SLC27A1: variants seen among roughly 807,000 people sequenced by gnomAD.
SLC27A1 encodes long-chain fatty acid transport protein 1.
SLC27A1 carries 61 observed loss-of-function variants against 62.2 expected under a neutral mutation model. That is an observed-to-expected ratio of 0.98 (90% CI 0.80 to 1.21). SLC27A1 has a LOEUF of 1.21. Ranked by LOEUF, SLC27A1 falls within the 50% of genes most tolerant of loss-of-function variation. The pLI is 0.00. For missense variants in SLC27A1, 903 were observed against 932.1 expected, an observed-to-expected ratio of 0.97 and a Z score of 0.41; for synonymous variants, 435 against 408.6, an observed-to-expected ratio of 1.06 and a Z score of -0.78.
chr19:17,488,897 GC>G lies in SLC27A1; in HGVS notation c.845del (p.Ala282ValfsTer28). On this transcript the variant is annotated frameshift_variant, in exon 5 of 12. Transcript: ENST00000252595. LOFTEE classifies it high-confidence loss of function. ...CCACCACGCCTACCGCATGCAGGCGGCTGACGTGCTCTATGACTGCCTGCCC... is the reference window on the plus strand; with the variant it reads ...CCACCACGCCTACCGCATGCAGGCGGTGACGTGCTCTATGACTGCCTGCCC... ...FGHHAYRMQA[A>X]DVLYDCLPLY... 6.2e-7 allele frequency: 1 copy of G among 1,614,118 alleles called. No homozygotes were observed. The highest frequency in any genetic ancestry group is 2.2e-5 in the East Asian group (1 of 44,886).
At chr19:17,491,787 T>C (rs1422449576) in intron 6 of SLC27A1, among the ~76,000 whole-genome samples, 2 of 151,952 alleles carry the variant, frequency 1.3e-5, no homozygotes, top group African/African-American at 4.8e-5. Context: ...GGTGGGAGGA[T>C]TGCTTGAGCC....
chr19:17,501,736 G>A (rs145542505), intron 11 of SLC27A1, among the ~76,000 whole-genome samples: 3,967 of 147,216 alleles, frequency 0.027, 174 homozygotes, highest in African/African-American at 0.09. Context: ...CTGGGAGGCG[G>A]AGTTTGCAGT....
At position 17,497,539 on chromosome 19, in the gene SLC27A1, G is replaced by A. The variant is rs766676571; in HGVS notation, c.1206+75G>A. ...ACTGTCTCCTCTTCCTGGGGCCCCT[G>A]GGATACATAAAACAGCCTGGACTGG... On this transcript the variant is annotated intron_variant, in intron 7 of 11. Transcript: ENST00000252595. 4.4e-6 allele frequency: 6 copies of A among 1,350,494 alleles called. No homozygotes were observed. The South Asian group carries it at 5.0e-5, about 11-fold the overall frequency. 83.7% of individuals were successfully genotyped at this position (1,350,494 alleles called of 1,614,324 possible).
chr19:17,486,670 G>C lies in SLC27A1; in HGVS notation c.275G>C (p.Arg92Pro), dbSNP rs1339071400. The change falls in exon 2 of 12, where the codon CGC becomes CCC. Residue 92 changes from arginine (R) to proline (P), a missense_variant. Transcript: ENST00000252595. The surrounding 1 kb of genome is among the most constrained non-coding windows in gnomAD (Gnocchi z 6.6). ...GCGGTAGTGCAGCGACAGCCCGAGCGCCTGGCGCTGGTGGATGCCGGGACC... is the reference window on the plus strand; with the variant it reads ...GCGGTAGTGCAGCGACAGCCCGAGCCCCTGGCGCTGGTGGATGCCGGGACC... ...FQAVVQRQPE[R>P]LALVDAGTGE... The C allele has an allele frequency of 6.2e-7, 1 of 1,609,782 alleles. No individual in the cohort carries two copies. Among genetic ancestry groups the C allele is most frequent in the Non-Finnish European group, 8.5e-7 (1 of 1,179,556 alleles).
intron 2 of SLC27A1, 89 bp downstream of exon 2, chr19:17,487,046 G>A: frequency 6.5e-7 from 1 of 1,548,034 alleles, no homozygotes; most frequent in East Asian, 2.3e-5. Context: ...GCCTCGGAAG[G>A]CGGCCGCCCT....
rs2075380975 is a variant in SLC27A1, at chr19:17,499,098, T to G, written c.1207-1180T>G. ...CTCCACAAGAGGTGGAGGAGTAGAG[T>G]CTTCTCTAAACTCCCCGGGGGAAAG... On this transcript the variant is annotated intron_variant, in intron 7 of 11. Transcript: ENST00000252595. The G allele has an allele frequency of 2.2e-5, 4 of 180,190 alleles. No individual in the cohort carries two copies. The South Asian group carries it at 4.2e-4, about 19-fold the overall frequency. The allele number at this position is 180,190 out of a possible 1,614,324, so 11.2% of individuals were successfully genotyped here.
Position 17,486,325 on chromosome 19 carries a change from G to A in SLC27A1, c.168-238G>A, listed in dbSNP as rs113261509. Among the ~76,000 whole-genome samples the A allele has an allele frequency of 2.6e-5, 4 of 152,324 alleles. No homozygotes were observed. Among genetic ancestry groups the A allele is most frequent in the African/African-American group, 9.6e-5 (4 of 41,578 alleles). On this transcript the variant is annotated intron_variant, in intron 1 of 11. Transcript: ENST00000252595. This position sits in a 1 kb window ranked among gnomAD's most constrained non-coding sequence, Gnocchi z 6.6. ...CCCCAGGGCCACCAAGCCAGCTGGG[G>A]TATGGGGGAGGACAGGGTGACTGGT...
chr19:17,492,688 A>G (rs1415060028), intron 6 of SLC27A1, among the ~76,000 whole-genome samples: 1 of 151,612 alleles, frequency 6.6e-6, no homozygotes, highest in Admixed American at 6.6e-5. Flanking sequence ...CTGTAATCCC[A>G]GCACTTTGGG....
chr19:17,476,883 GTTTTTTTTTT>G (rs71162144), intron 1 of SLC27A1, among the ~76,000 whole-genome samples: 1 of 131,822 alleles, frequency 7.6e-6, no homozygotes, highest in South Asian at 2.3e-4. Context: ...ATGATCATCT[GTTTTTTTTTT>G]TTTTTTTTTT....
intron 11 of SLC27A1, among the ~76,000 whole-genome samples, chr19:17,502,622 G>A (rs999625806): frequency 6.6e-6 from 1 of 151,748 alleles, no homozygotes; most frequent in Non-Finnish European, 1.5e-5. Context: ...CCAAAGTGTT[G>A]GGATTACACA....
At chr19:17,503,256 C>G (rs994187260) in intron 11 of SLC27A1, among the ~76,000 whole-genome samples, 1 of 152,130 alleles carries the variant, frequency 6.6e-6, no homozygotes, top group Non-Finnish European at 1.5e-5. Context: ...CAAAATATAT[C>G]AGGGTCTCAC....
At chr19:17,495,191 T>A (rs1599666038) in intron 6 of SLC27A1, among the ~76,000 whole-genome samples, 1 of 151,876 alleles carries the variant, frequency 6.6e-6, no homozygotes, top group Non-Finnish European at 1.5e-5. Flanking sequence ...GCTAGGCTGG[T>A]CTCGAACTTC....
chr19:17,482,165 T>G (rs1437436546), intron 1 of SLC27A1, among the ~76,000 whole-genome samples: 2 of 152,142 alleles, frequency 1.3e-5, no homozygotes, highest in Non-Finnish European at 2.9e-5. Context: ...CTACCCAGTA[T>G]AGGGAGGGAC....
chr19:17,470,062 G>A (rs2075058353), upstream of SLC27A1, among the ~76,000 whole-genome samples: 1 of 152,128 alleles, frequency 6.6e-6, no homozygotes, highest in Non-Finnish European at 1.5e-5. Flanking sequence ...GGCAGGACCA[G>A]GAGGAAAGGG....
At chr19:17,479,694 A>T (rs1295348533) in intron 1 of SLC27A1, among the ~76,000 whole-genome samples, 3 of 151,998 alleles carry the variant, frequency 2.0e-5, no homozygotes, top group African/African-American at 7.3e-5. Context: ...GCTCAGCTGG[A>T]GTGCAGTGGT....
At chr19:17,490,653 A>G (rs11880680) in intron 6 of SLC27A1, among the ~76,000 whole-genome samples, 118,700 of 151,926 alleles carry the variant, frequency 0.78, 47,630 homozygotes, top group Non-Finnish European at 0.89. Flanking sequence ...TTTCCTGTGT[A>G]GCTGTTTCAC....
Position 17,504,777 on chromosome 19 carries a change from C to A in SLC27A1, c.*165C>A. 1.1e-6 allele frequency: 1 copy of A among 888,886 alleles called. No individual in the cohort carries two copies. The highest frequency in any genetic ancestry group is 1.8e-6 in the Non-Finnish European group (1 of 554,794). The allele number at this position is 888,886 out of a possible 1,614,324, so 55.1% of individuals were successfully genotyped here. ...AACTGGAACCTCAGAGGAACCCGTG[C>A]CTCTCTGCTGCCTTGGTGCCCCTGT... On this transcript the variant is annotated 3_prime_UTR_variant, in exon 12 of 12. Coordinates refer to ENST00000252595, the MANE Select transcript of SLC27A1 (RefSeq NM_198580.3).
At chr19:17,496,965 G>A (rs1055888722) in intron 6 of SLC27A1, 2 of 333,260 alleles carry the variant, frequency 6.0e-6, no homozygotes, top group Admixed American at 5.3e-5. Flanking sequence ...AGAGGCTGCA[G>A]TGAGCTGTGA....
intron 3 of SLC27A1, 51 bp downstream of exon 3, chr19:17,487,386 A>AC: frequency 2.3e-6 from 2 of 853,594 alleles, no homozygotes; most frequent in Non-Finnish European, 3.2e-6. Flanking sequence ...CTACCCGCCC[A>AC]GGCCCCGCCC....
Sources: allele counts gnomAD v4.1 joint callset (sites outside exome capture counted in the v4.1 genomes callset), GRCh38; gene constraint gnomAD v4.1.1; non-coding constraint Gnocchi (gnomAD v3.1); transcripts MANE v1.5; gene names NCBI Gene and HGNC (gene_info 2026-07-23, HGNC 2026-07-21).